PMFBP1: variants seen among roughly 807,000 people sequenced by gnomAD.
PMFBP1 encodes the protein polyamine-modulated factor 1-binding protein 1.
Under a neutral mutation model 137.8 loss-of-function variants are expected in PMFBP1, and 131 were observed. The observed-to-expected ratio is 0.95, with a 90% CI of 0.82 to 1.10. The LOEUF (loss-of-function observed/expected upper bound fraction) is 1.10, where lower values mean the gene tolerates loss of function less well. Ranked by LOEUF, PMFBP1 falls within the 50% of genes least tolerant of loss-of-function variation. The probability of loss-of-function intolerance (pLI) is 0.00; values close to 1 mark genes in which losing one functional copy is unlikely to be tolerated. For synonymous variants in PMFBP1, 490 were observed against 450.4 expected, an observed-to-expected ratio of 1.09 and a Z score of -1.11; for missense variants, 1,199 against 1,175.4, an observed-to-expected ratio of 1.02 and a Z score of -0.29.
intron 4 of PMFBP1, among the ~76,000 whole-genome samples, chr16:72,153,115 G>A (rs2042927414): frequency 6.6e-6 from 1 of 152,162 alleles, no homozygotes; most frequent in Non-Finnish European, 1.5e-5. Context: ...ATCCAGGCTG[G>A]ACCCTTTTGT....
At chr16:72,123,784 T>A in intron 17 of PMFBP1, 135 bp from the exon 18 acceptor site, 1 of 722,466 alleles carries the variant, frequency 1.4e-6, no homozygotes, top group Non-Finnish European at 2.2e-6. Flanking sequence ...GCCAGAGTTG[T>A]GGAGTTGCCA....
upstream of PMFBP1, among the ~76,000 whole-genome samples, chr16:72,181,337 G>C (rs909821883): frequency 1.3e-5 from 2 of 151,944 alleles, no homozygotes; most frequent in Non-Finnish European, 2.9e-5. Flanking sequence ...AGACATTTTG[G>C]ACCTTGGGAT....
chr16:72,148,491 C>A (rs2042849651), intron 5 of PMFBP1, among the ~76,000 whole-genome samples: 2 of 151,906 alleles, frequency 1.3e-5, no homozygotes, highest in Admixed American at 1.3e-4. Flanking sequence ...GCACGTTGTG[C>A]ACATGTACCC....
At chr16:72,193,956 G>C in the PMFBP1 span, among the ~76,000 whole-genome samples, 1 of 150,368 alleles carries the variant, frequency 6.7e-6, no homozygotes, top group African/African-American at 2.4e-5. Flanking sequence ...AGTCTATAGT[G>C]GCAGGTATGG....
the PMFBP1 span, among the ~76,000 whole-genome samples, chr16:72,227,915 T>C: frequency 6.6e-6 from 1 of 152,240 alleles, no homozygotes; most frequent in Non-Finnish European, 1.5e-5. Context: ...ATCACATTCT[T>C]ATTATTGGAC....
chr16:72,139,274 G>A lies in PMFBP1; in HGVS notation c.918+15C>T, dbSNP rs768877922. 2.5e-6 allele frequency: 4 copies of A among 1,594,460 alleles called. No individual in the cohort carries two copies. The highest frequency in any genetic ancestry group is 2.2e-5 in the South Asian group (2 of 90,532). On this transcript the variant is annotated intron_variant, in intron 7 of 20. Transcript: ENST00000237353. ...GCCCGATCCCAGTAGGCACAGATCA[G>A]CAAATTTCTCCCACCTTTTTGATGT...
chr16:72,234,307 T>A, the PMFBP1 span, among the ~76,000 whole-genome samples: 1 of 152,140 alleles, frequency 6.6e-6, no homozygotes, highest in African/African-American at 2.4e-5. Flanking sequence ...GCACAAACTA[T>A]CTGGGACTTG....
At chr16:72,128,417 C>T in intron 14 of PMFBP1, 18 of 1,462,096 alleles carry the variant, frequency 1.2e-5, no homozygotes, top group Non-Finnish European at 1.5e-5. Context: ...GATGCCAAAG[C>T]CCAAATAGCT....
intron 10 of PMFBP1, among the ~76,000 whole-genome samples, chr16:72,130,946 G>A (rs924815991): frequency 1.3e-5 from 2 of 152,162 alleles, no homozygotes; most frequent in African/African-American, 4.8e-5. Context: ...CAAACTGGTA[G>A]AAATTTCTCA....
At chr16:72,136,189 C>T (rs2042628325) in intron 9 of PMFBP1, among the ~76,000 whole-genome samples, 1 of 152,128 alleles carries the variant, frequency 6.6e-6, no homozygotes, top group Non-Finnish European at 1.5e-5. Flanking sequence ...GTCACAAATG[C>T]TCTTGCTACC....
chr16:72,139,230 C>T (rs2042678472), intron 7 of PMFBP1, 59 bp downstream of exon 7: 10 of 1,224,896 alleles, frequency 8.2e-6, no homozygotes, highest in Non-Finnish European at 1.2e-5. Context: ...TAGGAAAGCC[C>T]AGAATCAAAC....
the PMFBP1 span, among the ~76,000 whole-genome samples, chr16:72,244,795 T>C: frequency 6.6e-6 from 1 of 152,144 alleles, no homozygotes; most frequent in South Asian, 2.1e-4. Flanking sequence ...GTGCAACAAA[T>C]CCCTTTCACT....
At chr16:72,125,909 G>A (rs552936447) in intron 15 of PMFBP1, 59 bp downstream of exon 15, 58 of 1,574,544 alleles carry the variant, frequency 3.7e-5, no homozygotes, top group African/African-American at 3.5e-4. Flanking sequence ...TGCTTCTCCC[G>A]CTACCTTGAC....
chr16:72,132,039 T>C (rs951797601), intron 10 of PMFBP1, among the ~76,000 whole-genome samples: 3 of 152,028 alleles, frequency 2.0e-5, no homozygotes, highest in African/African-American at 7.2e-5. Context: ...AGAGACAAAG[T>C]TTTGCCATGT....
chr16:72,167,070 A>G (rs2043155181), intron 2 of PMFBP1, among the ~76,000 whole-genome samples: 2 of 152,228 alleles, frequency 1.3e-5, no homozygotes, highest in East Asian at 1.9e-4. Flanking sequence ...TATGAGCTGC[A>G]TAACACACAT....
chr16:72,228,686 G>A, the PMFBP1 span, among the ~76,000 whole-genome samples: 1 of 152,154 alleles, frequency 6.6e-6, no homozygotes, highest in Non-Finnish European at 1.5e-5. Context: ...AATTTGGGGT[G>A]CCTCTCTATT....
At chr16:72,149,854 A>G (rs1454011777) in intron 5 of PMFBP1, among the ~76,000 whole-genome samples, 3 of 152,192 alleles carry the variant, frequency 2.0e-5, no homozygotes, top group Non-Finnish European at 2.9e-5. Context: ...TTAGGTAAAA[A>G]TAACCTCCTG....
chr16:72,164,900 C>T lies in PMFBP1; in HGVS notation c.29G>A (p.Arg10Lys). 3 of 1,595,472 alleles carry T rather than the reference C, an allele frequency of 1.9e-6. No individual in the cohort carries two copies. Among genetic ancestry groups the T allele is most frequent in the Non-Finnish European group, 2.6e-6 (3 of 1,165,314 alleles). The change falls in exon 3 of 21, where the codon AGA (arginine) becomes AAA (lysine). Residue 10 changes from arginine to lysine, a missense_variant. Transcript: ENST00000237353. ...CTTGCTGTTCAGGCTGCTCACTTCT[C>T]TGTCTCTCTCCCCCGCCTAGGCAGC... MKDEAGERD[R>K]EVSSLNSKLL...
At chr16:72,178,944 A>AT (rs1383687669), upstream of PMFBP1, among the ~76,000 whole-genome samples, 1 of 152,100 alleles carries the variant, frequency 6.6e-6, no homozygotes, top group African/African-American at 2.4e-5. Flanking sequence ...TTTAATGGGC[A>AT]TTTTTTCTTT....
Sources: allele counts gnomAD v4.1 joint callset (sites outside exome capture counted in the v4.1 genomes callset), GRCh38; gene constraint gnomAD v4.1.1; transcripts MANE v1.5; gene names NCBI Gene and HGNC (gene_info 2026-07-23, HGNC 2026-07-21).